The following PXDNL variants were observed in gnomAD, a reference collection of about 807,000 sequenced individuals.
PXDNL encodes peroxidasin like, also known as probable oxidoreductase PXDNL.
In PXDNL, 145 loss-of-function variants were observed where a neutral mutation model predicts 150.8. The ratio of observed to expected loss-of-function variants is 0.96; its 90% CI spans 0.84 to 1.10. The LOEUF is 1.10. Ranked by LOEUF, PXDNL falls within the 50% of genes least tolerant of loss-of-function variation. PXDNL has a pLI of 0.00. For synonymous variants in PXDNL, 757 were observed against 725.7 expected (o/e 1.04, Z -0.69); for missense variants, 2,087 against 1,873.9 (o/e 1.11, Z -2.10).
chr8:51,425,612 T>G (rs1193825716), intron 13 of PXDNL, among the ~76,000 whole-genome samples: 5 of 151,870 alleles, frequency 3.3e-5, no homozygotes, highest in African/African-American at 1.2e-4. Context: ...GGCAGGAGGA[T>G]CATGAGGTCA....
intron 1 of PXDNL, among the ~76,000 whole-genome samples, chr8:51,778,824 ATATTT>A (rs1283998735): frequency 6.6e-6 from 1 of 152,230 alleles, no homozygotes; most frequent in Non-Finnish European, 1.5e-5. Context: ...GCCAGAAGCT[ATATTT>A]TATTTCTGAT....
chr8:51,486,212 C>A (rs1433644951), intron 5 of PXDNL, among the ~76,000 whole-genome samples: 1 of 152,034 alleles, frequency 6.6e-6, no homozygotes, highest in Non-Finnish European at 1.5e-5. Flanking sequence ...ACAGGCAAAA[C>A]AAATCAAAAG....
rs554032773 is a variant in PXDNL at position 51,741,409 on chromosome 8, C to G, written c.164+67772G>C. Reference sequence around the variant, plus strand: ...ATTCATTCTTCTTGTTGAATTGACCCCTTTACCATTATGTAATGTCCTTCT... The same window carrying G: ...ATTCATTCTTCTTGTTGAATTGACCGCTTTACCATTATGTAATGTCCTTCT... On this transcript the variant is annotated intron_variant, in intron 1 of 22. Transcript: ENST00000356297. Among the ~76,000 whole-genome samples, 334 of 146,440 alleles carry G rather than the reference C, an allele frequency of 2.3e-3. 1 individual carries two copies. The highest frequency in any genetic ancestry group is 3.5e-3 in the Admixed American group (50 of 14,228).
chr8:51,624,099 C>CAAAAAAAAA (rs59841822), intron 2 of PXDNL, among the ~76,000 whole-genome samples: 15 of 79,578 alleles, frequency 1.9e-4, no homozygotes, highest in East Asian at 4.4e-4. Context: ...TCTCAAATTA[C>CAAAAAAAAA]AAAAAAAAAA....
intron 5 of PXDNL, among the ~76,000 whole-genome samples, chr8:51,495,904 G>A (rs1811036507): frequency 2.0e-5 from 3 of 151,960 alleles, no homozygotes. Context: ...AACAGAAAAA[G>A]AGGGAATCCT....
At chr8:51,418,390 C>T (rs921575446) in intron 14 of PXDNL, among the ~76,000 whole-genome samples, 1 of 152,046 alleles carries the variant, frequency 6.6e-6, no homozygotes, top group Admixed American at 6.6e-5. Context: ...CTTCAGTTAC[C>T]AATTTCACTT....
chr8:51,432,011 T>C (rs750958338), intron 12 of PXDNL, among the ~76,000 whole-genome samples: 3 of 152,254 alleles, frequency 2.0e-5, no homozygotes, highest in Non-Finnish European at 4.4e-5. Flanking sequence ...TAGATAAGAT[T>C]ATCATCTTTT....
At chr8:51,776,042 C>T (rs528569257) in intron 1 of PXDNL, among the ~76,000 whole-genome samples, 7 of 152,116 alleles carry the variant, frequency 4.6e-5, no homozygotes, top group Admixed American at 6.5e-5. Flanking sequence ...GTGTAAGGAA[C>T]GAAATAAGCC....
chr8:51,611,218 T>A (rs1212422148), intron 2 of PXDNL, among the ~76,000 whole-genome samples: 1 of 152,186 alleles, frequency 6.6e-6, no homozygotes, highest in African/African-American at 2.4e-5. Flanking sequence ...AATAAAAACG[T>A]TAAACATGAA....
At chr8:51,392,110 G>T (rs1021053049) in intron 17 of PXDNL, among the ~76,000 whole-genome samples, 12 of 152,128 alleles carry the variant, frequency 7.9e-5, no homozygotes, top group African/African-American at 2.9e-4. Flanking sequence ...CTCTGTTTTG[G>T]TACCAGTACC....
At chr8:51,755,676 T>C (rs1303815653) in intron 1 of PXDNL, among the ~76,000 whole-genome samples, 1 of 152,198 alleles carries the variant, frequency 6.6e-6, no homozygotes, top group Admixed American at 6.5e-5. Context: ...TCATAAATGT[T>C]CATCTATATA....
chr8:51,378,231 T>G (rs1283522195), intron 17 of PXDNL, among the ~76,000 whole-genome samples: 1 of 152,132 alleles, frequency 6.6e-6, no homozygotes, highest in Non-Finnish European at 1.5e-5. Context: ...GCTAATCTGG[T>G]GGGGACTTGG....
chr8:51,443,615 T>C (rs1809605328), intron 12 of PXDNL, among the ~76,000 whole-genome samples: 1 of 152,242 alleles, frequency 6.6e-6, no homozygotes, highest in Non-Finnish European at 1.5e-5. Flanking sequence ...TATAAACTCA[T>C]GGCATTTTTA....
At chr8:51,418,686 T>C (rs1296589994) in intron 14 of PXDNL, among the ~76,000 whole-genome samples, 1 of 152,188 alleles carries the variant, frequency 6.6e-6, no homozygotes, top group East Asian at 1.9e-4. Flanking sequence ...GATATTCCTA[T>C]GAGTTTAGTA....
chr8:51,596,066 A>G (rs1172453899), intron 2 of PXDNL, among the ~76,000 whole-genome samples: 2 of 152,054 alleles, frequency 1.3e-5, no homozygotes, highest in African/African-American at 4.8e-5. Flanking sequence ...TCTCCACTCT[A>G]GTAATCCCCA....
intron 4 of PXDNL, among the ~76,000 whole-genome samples, chr8:51,515,616 G>A (rs1454970848): frequency 6.6e-6 from 1 of 152,176 alleles, no homozygotes; most frequent in Non-Finnish European, 1.5e-5. Flanking sequence ...AACATCTCAC[G>A]GGATTGATGG....
chr8:51,509,739 T>TAC (rs1400909717), intron 4 of PXDNL, among the ~76,000 whole-genome samples: 255 of 106,172 alleles, frequency 2.4e-3, no homozygotes, highest in African/African-American at 8.9e-3. Context: ...TATATACATA[T>TAC]ATACACACAC....
intron 19 of PXDNL, among the ~76,000 whole-genome samples, chr8:51,364,582 A>G (rs1223107869): frequency 1.3e-5 from 2 of 152,166 alleles, no homozygotes; most frequent in Non-Finnish European, 2.9e-5. Context: ...TTATTTTGTG[A>G]AAGATATTGA....
intron 4 of PXDNL, among the ~76,000 whole-genome samples, chr8:51,551,861 A>G (rs188554120): frequency 5.3e-5 from 8 of 152,362 alleles, no homozygotes; most frequent in Admixed American, 1.3e-4. Flanking sequence ...TGCCCTGCAA[A>G]AGAAGCAATC....
Sources: allele counts gnomAD v4.1 joint callset (sites outside exome capture counted in the v4.1 genomes callset), GRCh38; gene constraint gnomAD v4.1.1; transcripts MANE v1.5; gene names NCBI Gene and HGNC (gene_info 2026-07-23, HGNC 2026-07-21).